AKAP8: variants seen among roughly 807,000 people sequenced by gnomAD.
The protein encoded by AKAP8 is A-kinase anchor protein 8.
In AKAP8, 24 loss-of-function variants were observed where a neutral mutation model predicts 67.5. That is an observed-to-expected ratio of 0.36 (90% CI 0.26 to 0.50). The LOEUF (loss-of-function observed/expected upper bound fraction) is 0.50, where lower values mean the gene tolerates loss of function less well. Ranked by LOEUF, AKAP8 falls within the 20% of genes least tolerant of loss-of-function variation. The pLI, the probability that AKAP8 is intolerant of heterozygous loss-of-function variation, is 0.97. For synonymous variants in AKAP8, 400 were observed against 371.1 expected (o/e 1.08, Z -0.90); for missense variants, 971 against 955.9 (o/e 1.02, Z -0.21).
At chr19:15,365,082 A>T (rs993418050) in intron 9 of AKAP8, among the ~76,000 whole-genome samples, 2 of 152,198 alleles carry the variant, frequency 1.3e-5, no homozygotes, top group Non-Finnish European at 1.5e-5. Flanking sequence ...CTGGCCCCAA[A>T]GCCCCTGAGA....
intron 1 of AKAP8, among the ~76,000 whole-genome samples, chr19:15,378,566 G>T (rs1196863545): frequency 6.6e-6 from 1 of 152,178 alleles, no homozygotes; most frequent in African/African-American, 2.4e-5. Context: ...GGAGAGCCAG[G>T]CTGAGCCTTC....
At chr19:15,379,667 C>G in intron 1 of AKAP8, 46 bp downstream of exon 1, 2 of 1,594,156 alleles carry the variant, frequency 1.3e-6, no homozygotes, top group Non-Finnish European at 1.7e-6. Flanking sequence ...GCGTCGCCCG[C>G]ACAGAGCCTT....
chr19:15,379,511 G>A (rs1967332141), intron 1 of AKAP8: 2 of 521,100 alleles, frequency 3.8e-6, no homozygotes, highest in Non-Finnish European at 3.2e-6. Context: ...GGGCCTGGCG[G>A]CCAATCCGCA....
chr19:15,356,731 G>A (rs890508931), intron 13 of AKAP8, among the ~76,000 whole-genome samples: 2 of 152,260 alleles, frequency 1.3e-5, no homozygotes, highest in South Asian at 4.1e-4. Flanking sequence ...TGATGCTTAG[G>A]GCAAGGTGCT....
intron 7 of AKAP8, among the ~76,000 whole-genome samples, chr19:15,370,727 G>A (rs555817508): frequency 6.8e-6 from 1 of 147,212 alleles, no homozygotes; most frequent in African/African-American, 2.5e-5. Context: ...TGCTTCCTGG[G>A]TTGAAGCAAA....
chr19:15,365,570 A>G (rs1173235165), intron 9 of AKAP8, among the ~76,000 whole-genome samples: 1 of 152,158 alleles, frequency 6.6e-6, no homozygotes, highest in Non-Finnish European at 1.5e-5. Flanking sequence ...GACAAGCAAC[A>G]TGAAGACACC....
In AKAP8 at chr19:15,368,327, A is replaced by G. The variant is rs775090415; in HGVS notation, c.1073-5T>C. On this transcript the variant is annotated splice_polypyrimidine_tract_variant and splice_region_variant and intron_variant, in intron 8 of 13. Transcript: ENST00000269701. ...CGTCCTCGTCCTCCTTCTCTCCTGT[A>G]ACAGACAAGTCCCTTCGAGACGCTC... 1.1e-5 allele frequency: 17 copies of G among 1,613,384 alleles called. No homozygotes were observed. The Admixed American group carries it at 2.8e-4, about 27-fold the overall frequency.
intron 7 of AKAP8, among the ~76,000 whole-genome samples, chr19:15,371,012 G>T (rs1271307128): frequency 1.6e-4 from 25 of 152,150 alleles, no homozygotes; most frequent in Non-Finnish European, 1.6e-4. Context: ...GACTCCTTAG[G>T]CAGTGAACAT....
intron 9 of AKAP8, 92 bp from the exon 10 acceptor site, chr19:15,362,343 G>C: frequency 6.9e-7 from 1 of 1,444,856 alleles, no homozygotes; most frequent in Non-Finnish European, 9.5e-7. Context: ...AGCTGAAATA[G>C]AAACAGGATT....
chr19:15,378,670 C>T (rs1421799602), intron 1 of AKAP8, among the ~76,000 whole-genome samples: 2 of 152,162 alleles, frequency 1.3e-5, no homozygotes, highest in Admixed American at 1.3e-4. Flanking sequence ...GATACTTTTG[C>T]CCTGCCACTT....
chr19:15,362,136 G>A lies in AKAP8; in HGVS notation c.1276C>T (p.Pro426Ser). ...TGGAGGAACTCCACGGTCTTGTCGG[G>A]CAGCTTGGTGCTTATGAACCGCAGG... ...ETLRFISTKLPDKTVEFLQEY... is the reference protein window; with the variant it reads ...ETLRFISTKLSDKTVEFLQEY... Residue 426 changes from proline (P) to serine (S), a missense_variant, in exon 10 of 14, where the codon CCC (proline) becomes TCC (serine). Physicochemically the swap from Pro to Ser is moderately conservative, Grantham distance 74. Transcript: ENST00000269701. 6.2e-7 allele frequency: 1 copy of A among 1,614,092 alleles called. No individual in the cohort carries two copies. The highest frequency in any genetic ancestry group is 1.7e-5 in the Admixed American group (1 of 60,010).
intron 1 of AKAP8, among the ~76,000 whole-genome samples, chr19:15,377,952 G>A (rs185053455): frequency 2.9e-4 from 44 of 152,270 alleles, no homozygotes; most frequent in African/African-American, 1.1e-3. Flanking sequence ...TGTCCCTGGG[G>A]CCCAGCACTG....
chr19:15,377,081 C>G (rs1967265897), intron 1 of AKAP8, 67 bp from the exon 2 acceptor site: 1 of 1,544,950 alleles, frequency 6.5e-7, no homozygotes, highest in Non-Finnish European at 8.8e-7. Flanking sequence ...TTTGGGGGTA[C>G]TCCTAAAGGG....
intron 9 of AKAP8, among the ~76,000 whole-genome samples, chr19:15,363,082 C>T (rs1356600945): frequency 1.3e-5 from 2 of 151,174 alleles, no homozygotes; most frequent in African/African-American, 4.9e-5. Context: ...CTCTGCCTGG[C>T]AACCGCCCCG....
In AKAP8 at chr19:15,354,239, A is replaced by C. The variant is rs1165869302; in HGVS notation, c.*676T>G. Reference sequence around the variant, plus strand: ...TCTAGAGGTGGAACACAAATGAGGTAAAATATTAGAGAACTGATTCAGCAA... The same window carrying C: ...TCTAGAGGTGGAACACAAATGAGGTCAAATATTAGAGAACTGATTCAGCAA... On this transcript the variant is annotated 3_prime_UTR_variant, in exon 14 of 14. Coordinates refer to ENST00000269701, the MANE Select transcript of AKAP8 (RefSeq NM_005858.4). The C allele has an allele frequency of 1.3e-5, 2 of 152,326 alleles. No individual in the cohort carries two copies. The highest frequency in any genetic ancestry group is 3.9e-4 in the East Asian group (2 of 5,188). 9.4% of individuals were successfully genotyped at this position (152,326 alleles called of 1,614,324 possible). A position where few individuals can be genotyped will look rare whatever the true frequency, so the allele number is the denominator to read the frequency against.
chr19:15,368,358 G>A (rs753186803), intron 8 of AKAP8, 36 bp from the exon 9 acceptor site: 2 of 1,612,350 alleles, frequency 1.2e-6, no homozygotes, highest in South Asian at 2.2e-5. Flanking sequence ...CGCTCTGAGT[G>A]GCCTGCAAAG....
At chr19:15,376,205 C>T (rs1469140857) in intron 2 of AKAP8, among the ~76,000 whole-genome samples, 1 of 152,172 alleles carries the variant, frequency 6.6e-6, no homozygotes, top group Non-Finnish European at 1.5e-5. Flanking sequence ...CAGGCGTGTG[C>T]TGCCTCGCCC....
Position 15,354,791 on chromosome 19 carries a change from T to C in AKAP8, c.*124A>G. The C allele has an allele frequency of 8.4e-7, 1 of 1,185,024 alleles. No homozygotes were observed. Among genetic ancestry groups the C allele is most frequent in the Non-Finnish European group, 1.2e-6 (1 of 846,414 alleles). The allele number at this position is 1,185,024 out of a possible 1,614,324, so 73.4% of individuals were successfully genotyped here. On this transcript the variant is annotated 3_prime_UTR_variant, in exon 14 of 14. Transcript: ENST00000269701. ...ACTGCTCAGGAGGAAACGCTGGGTC[T>C]CTTCACCAAAATTAGATTACAGCAT...
intron 13 of AKAP8, among the ~76,000 whole-genome samples, chr19:15,358,407 T>C (rs913961946): frequency 6.6e-6 from 1 of 151,206 alleles, no homozygotes; most frequent in African/African-American, 2.4e-5. Flanking sequence ...TGGGCTGGAG[T>C]GTAGTGGCGC....
Sources: gnomAD v4.1 joint callset for allele counts (sites outside exome capture counted in the v4.1 genomes callset) on GRCh38, gnomAD v4.1.1 for gene constraint, MANE v1.5 for transcripts, NCBI Gene and HGNC (gene_info 2026-07-23, HGNC 2026-07-21) for gene names.